The following CALD1 variants were observed in gnomAD, a reference collection of about 807,000 sequenced individuals.
CALD1 encodes caldesmon 1, also known as caldesmon.
CALD1 carries 33 observed loss-of-function variants against 99.9 expected under a neutral mutation model. The observed-to-expected ratio is 0.33, with a 90% confidence interval of 0.25 to 0.44. The LOEUF (loss-of-function observed/expected upper bound fraction) is 0.44. Ranked by LOEUF, CALD1 falls within the 20% of genes least tolerant of loss-of-function variation. CALD1 has a pLI of 1.00. For synonymous variants in CALD1, 310 were observed against 325.0 expected (o/e 0.95, Z 0.50); for missense variants, 861 against 962.1 (o/e 0.89, Z 1.39).
chr7:134,771,693 C>T (rs17168029), intron 1 of CALD1, among the ~76,000 whole-genome samples: 54,659 of 151,984 alleles, frequency 0.36, 11,127 homozygotes, highest in East Asian at 0.5. Context: ...GTACTTACCA[C>T]GGCTAGAAGC....
At chr7:134,796,997 TC>T (rs1045235694) in intron 1 of CALD1, among the ~76,000 whole-genome samples, 7 of 152,158 alleles carry the variant, frequency 4.6e-5, no homozygotes, top group African/African-American at 1.7e-4. Flanking sequence ...TTGAAGCTTT[TC>T]CTCTAATGTA....
chr7:134,750,147 A>C (rs1287980922), intron 1 of CALD1, among the ~76,000 whole-genome samples: 1 of 151,338 alleles, frequency 6.6e-6, no homozygotes, highest in Non-Finnish European at 1.5e-5. Context: ...AACCCTGCAA[A>C]CTAGATTTAG....
intron 6 of CALD1, among the ~76,000 whole-genome samples, chr7:134,937,803 A>G (rs912112195): frequency 6.6e-6 from 1 of 152,228 alleles, no homozygotes; most frequent in African/African-American, 2.4e-5. Flanking sequence ...AACACACAAA[A>G]TAAAACCTTT....
intron 1 of CALD1, among the ~76,000 whole-genome samples, chr7:134,818,426 T>C (rs1798640778): frequency 6.6e-6 from 1 of 152,232 alleles, no homozygotes; most frequent in Non-Finnish European, 1.5e-5. Context: ...CAGAAGATCT[T>C]CTACTTAAAG....
At chr7:134,789,867 C>T (rs900390738) in intron 1 of CALD1, among the ~76,000 whole-genome samples, 1 of 152,094 alleles carries the variant, frequency 6.6e-6, no homozygotes, top group African/African-American at 2.4e-5. Context: ...CAGAAGCAGA[C>T]AACTTCCACT....
At chr7:134,819,734 G>A (rs571242258) in intron 1 of CALD1, among the ~76,000 whole-genome samples, 1 of 152,312 alleles carries the variant, frequency 6.6e-6, no homozygotes, top group South Asian at 2.1e-4. Context: ...TCCTGACCCA[G>A]ATGTGATGGC....
At chr7:134,871,757 T>C (rs888298394) in intron 3 of CALD1, among the ~76,000 whole-genome samples, 7 of 152,178 alleles carry the variant, frequency 4.6e-5, no homozygotes, top group African/African-American at 1.7e-4. Context: ...ATTTAATTAG[T>C]ATTGAGTCTG....
At chr7:134,836,101 C>T (rs567202523) in intron 1 of CALD1, among the ~76,000 whole-genome samples, 5 of 146,030 alleles carry the variant, frequency 3.4e-5, no homozygotes, top group Non-Finnish European at 7.4e-5. Flanking sequence ...GCTGAGATCG[C>T]GTCACTGCAC....
intron 1 of CALD1, among the ~76,000 whole-genome samples, chr7:134,744,826 A>G (rs2131538062): frequency 6.6e-6 from 1 of 152,190 alleles, no homozygotes; most frequent in Non-Finnish European, 1.5e-5. Context: ...GGCAGCTGAA[A>G]TGCCTCTTCT....
intron 1 of CALD1, among the ~76,000 whole-genome samples, chr7:134,774,621 T>C (rs1485378242): frequency 6.6e-6 from 1 of 152,100 alleles, no homozygotes; most frequent in Non-Finnish European, 1.5e-5. Context: ...AACAAATCTG[T>C]TTTCTGCTCC....
chr7:134,753,404 G>A (rs1366297306), intron 1 of CALD1, among the ~76,000 whole-genome samples: 4 of 152,186 alleles, frequency 2.6e-5, no homozygotes, highest in African/African-American at 7.2e-5. Context: ...CCTCACCTCT[G>A]CCAGGTGCCA....
intron 9 of CALD1, among the ~76,000 whole-genome samples, chr7:134,950,771 C>T (rs539111590): frequency 3.9e-5 from 6 of 152,180 alleles, no homozygotes; most frequent in South Asian, 4.2e-4. Context: ...GCCTGGCCAC[C>T]GTGGTGAAAC....
At chr7:134,829,133 A>T (rs577243674) in intron 1 of CALD1, among the ~76,000 whole-genome samples, 16 of 152,376 alleles carry the variant, frequency 1.1e-4, no homozygotes, top group South Asian at 8.3e-4. Flanking sequence ...AGTAAACACA[A>T]TAAATACATC....
chr7:134,911,136 G>A (rs1053561231), intron 3 of CALD1, among the ~76,000 whole-genome samples: 1 of 151,430 alleles, frequency 6.6e-6, no homozygotes, highest in African/African-American at 2.4e-5. Flanking sequence ...CCACTCCTCG[G>A]TTGGTTTAAT....
intron 1 of CALD1, among the ~76,000 whole-genome samples, chr7:134,816,922 T>C (rs780524498): frequency 6.6e-5 from 10 of 152,208 alleles, no homozygotes; most frequent in Non-Finnish European, 1.3e-4. Context: ...TAAAAAATTA[T>C]GTCTTCTGTT....
At chr7:134,854,301 A>G (rs1387701708) in intron 2 of CALD1, among the ~76,000 whole-genome samples, 1 of 152,194 alleles carries the variant, frequency 6.6e-6, no homozygotes, top group Non-Finnish European at 1.5e-5. Context: ...GTCTTCCACA[A>G]TGGTTGAACT....
intron 1 of CALD1, among the ~76,000 whole-genome samples, chr7:134,829,080 G>C (rs905080079): frequency 6.6e-6 from 1 of 152,118 alleles, no homozygotes; most frequent in African/African-American, 2.4e-5. Context: ...TTTATTGAGT[G>C]ACTACTAAAT....
Position 134,826,453 on chromosome 7 carries a change from A to G in CALD1, c.-129-17431A>G, listed in dbSNP as rs191221850. On this transcript the variant is annotated intron_variant, in intron 1 of 14. Transcript: ENST00000361675. ...GTACTCCAGCCCACCTAATCAACACACACCGGAGCTTTTCTAGTCCATTCT... is the reference window on the plus strand; with the variant it reads ...GTACTCCAGCCCACCTAATCAACACGCACCGGAGCTTTTCTAGTCCATTCT... 3.8e-3 allele frequency among the ~76,000 whole-genome samples: 577 copies of G among 152,170 alleles called. 3 individuals are homozygous for G. Among genetic ancestry groups the G allele is most frequent in the African/African-American group, 0.012 (519 of 41,522 alleles).
rs922018006 is a variant in CALD1 at position 134,914,704 on chromosome 7, GC to G, written c.72-14049del. 3.7e-4 allele frequency among the ~76,000 whole-genome samples: 57 copies of G among 152,254 alleles called. 1 individual carries two copies. Among genetic ancestry groups the G allele is most frequent in the African/African-American group, 1.3e-3 (52 of 41,554 alleles). On this transcript the variant is annotated intron_variant, in intron 3 of 14. Coordinates refer to ENST00000361675, the MANE Select transcript of CALD1 (RefSeq NM_033138.4). ...CCGATTCTGCAACCTTGCTATTTGA[GC>G]TTTCTGTACATGGAAAGGTCCTCTT...
Sources: gnomAD v4.1 joint callset for allele counts (sites outside exome capture counted in the v4.1 genomes callset) on GRCh38, gnomAD v4.1.1 for gene constraint, MANE v1.5 for transcripts, NCBI Gene and HGNC (gene_info 2026-07-23, HGNC 2026-07-21) for gene names.